Variants in ZC3H12B observed in about 807,000 individuals in gnomAD.
The protein encoded by ZC3H12B is probable ribonuclease ZC3H12B.
Under a neutral mutation model 43.9 loss-of-function variants are expected in ZC3H12B, and 7 were observed. The ratio of observed to expected loss-of-function variants is 0.16; its 90% CI spans 0.09 to 0.30. The LOEUF (loss-of-function observed/expected upper bound fraction) is 0.30. ZC3H12B is among the 10% of genes least tolerant of loss of function. The probability of loss-of-function intolerance (pLI) is 1.00; values close to 1 mark genes in which losing one functional copy is unlikely to be tolerated. For synonymous variants in ZC3H12B, 222 were observed against 241.7 expected, an observed-to-expected ratio of 0.92 and a Z score of 0.76; for missense variants, 475 against 670.2, an observed-to-expected ratio of 0.71 and a Z score of 3.22.
At chrX:65,078,571 A>G in the ZC3H12B span, among the ~76,000 whole-genome samples, 1 of 112,116 alleles carries the variant, frequency 8.9e-6, no homozygotes, top group Non-Finnish European at 1.9e-5. Flanking sequence ...TTGAGGATTG[A>G]CTATAGGATT....
chrX:65,152,128 C>A, the ZC3H12B span, among the ~76,000 whole-genome samples: 4 of 111,569 alleles, frequency 3.6e-5, no homozygotes, highest in Non-Finnish European at 7.5e-5. Flanking sequence ...CAATATCATA[C>A]TGAATGGGCA....
the ZC3H12B span, among the ~76,000 whole-genome samples, chrX:65,228,094 T>A: frequency 2.1e-4 from 23 of 111,562 alleles, no homozygotes; most frequent in South Asian, 4.1e-3. Flanking sequence ...AGAGAATTTT[T>A]GACCAATATC....
chrX:65,075,223 T>C, the ZC3H12B span, among the ~76,000 whole-genome samples: 1 of 112,628 alleles, frequency 8.9e-6, no homozygotes, highest in African/African-American at 3.2e-5. Context: ...CTTTAGTTCT[T>C]AGTTTCCCCC....
the ZC3H12B span, among the ~76,000 whole-genome samples, chrX:65,203,115 C>G: frequency 3.6e-5 from 4 of 112,029 alleles, no homozygotes; most frequent in African/African-American, 1.3e-4. Flanking sequence ...GCTGCCAAGC[C>G]TTGAACTTTC....
chrX:65,160,095 G>C, the ZC3H12B span, among the ~76,000 whole-genome samples: 1 of 111,820 alleles, frequency 8.9e-6, no homozygotes. Context: ...AACCAGCCTT[G>C]CATCCCAGGG....
intron 1 of ZC3H12B, among the ~76,000 whole-genome samples, chrX:65,495,027 C>A (rs991394805): frequency 9.0e-6 from 1 of 111,262 alleles, no homozygotes; most frequent in Admixed American, 9.6e-5. Flanking sequence ...TGGGAAAATT[C>A]ACAACTGAAC....
At chrX:65,170,813 C>A in the ZC3H12B span, among the ~76,000 whole-genome samples, 1 of 112,022 alleles carries the variant, frequency 8.9e-6, no homozygotes. Context: ...TCCTTGCTTC[C>A]TGTTGATCAA....
chrX:65,379,046 T>A (rs2066394115), intron 2 of ZC3H12B, among the ~76,000 whole-genome samples: 1 of 111,932 alleles, frequency 8.9e-6, no homozygotes, highest in Admixed American at 9.4e-5. Flanking sequence ...TGCCCGCAAT[T>A]GCCCAGGCTT....
chrX:65,056,729 CTCTT>C, the ZC3H12B span, among the ~76,000 whole-genome samples: 1 of 111,203 alleles, frequency 9.0e-6, no homozygotes, highest in Non-Finnish European at 1.9e-5. Context: ...GAGTCTAAAT[CTCTT>C]TCTAGGTGTC....
In ZC3H12B at chrX:65,436,244, A is replaced by G. The variant is rs148570419; in HGVS notation, n.407+37540A>G. Among the ~76,000 whole-genome samples the G allele has an allele frequency of 3.1e-3, 344 of 112,123 alleles. 1 individual carries two copies. Among genetic ancestry groups the G allele is most frequent in the African/African-American group, 0.011 (330 of 30,859 alleles). On this transcript the variant is annotated intron_variant and non_coding_transcript_variant, in intron 3 of 5. Coordinates refer to the ZC3H12B transcript ENST00000617377. Reference sequence around the variant, plus strand: ...GGGGGATGTCTGCCCCCATGATTCAATAACCTCCCACTAGGCCCCTCCTCC... The same window carrying G: ...GGGGGATGTCTGCCCCCATGATTCAGTAACCTCCCACTAGGCCCCTCCTCC...
chrX:65,129,738 A>C, the ZC3H12B span, among the ~76,000 whole-genome samples: 2 of 110,510 alleles, frequency 1.8e-5, no homozygotes, highest in African/African-American at 6.6e-5. Context: ...ATAGTGTTGA[A>C]GTGTTGGGGC....
the ZC3H12B span, among the ~76,000 whole-genome samples, chrX:65,065,951 G>A: frequency 9.5e-6 from 1 of 105,689 alleles, no homozygotes; most frequent in Non-Finnish European, 1.9e-5. Flanking sequence ...TGATACTTGT[G>A]CATGCTTCAC....
At chrX:65,151,654 A>C in the ZC3H12B span, among the ~76,000 whole-genome samples, 1 of 111,522 alleles carries the variant, frequency 9.0e-6, no homozygotes, top group Non-Finnish European at 1.9e-5. Flanking sequence ...CAGTGAATAC[A>C]AACGAGGGAC....
At chrX:65,193,953 A>C in the ZC3H12B span, among the ~76,000 whole-genome samples, 1 of 111,067 alleles carries the variant, frequency 9.0e-6, no homozygotes, top group Admixed American at 9.6e-5. Context: ...GGGAGCTTTC[A>C]ATCATGGCAG....
chrX:65,178,930 C>G, the ZC3H12B span, among the ~76,000 whole-genome samples: 1 of 112,139 alleles, frequency 8.9e-6, no homozygotes, highest in Admixed American at 9.5e-5. Flanking sequence ...AGGATTGTAA[C>G]TTATTCTGCC....
the ZC3H12B span, among the ~76,000 whole-genome samples, chrX:65,138,908 G>C: frequency 8.9e-6 from 1 of 112,072 alleles, no homozygotes; most frequent in South Asian, 3.7e-4. Flanking sequence ...TGTCTACTGA[G>C]ATGCTTTGCC....
At chrX:65,300,143 G>A in the ZC3H12B span, among the ~76,000 whole-genome samples, 1 of 112,249 alleles carries the variant, frequency 8.9e-6, no homozygotes, top group Middle Eastern at 4.2e-3. Context: ...TGAACACGAA[G>A]TTTCCTGGAC....
chrX:65,118,774 T>C, the ZC3H12B span, among the ~76,000 whole-genome samples: 1 of 108,301 alleles, frequency 9.2e-6, no homozygotes, highest in South Asian at 4.3e-4. Context: ...TAACATTAGG[T>C]ATATGTCCTA....
chrX:65,367,057 G>A (rs1027068420), intron 1 of ZC3H12B, among the ~76,000 whole-genome samples: 4 of 112,125 alleles, frequency 3.6e-5, no homozygotes, highest in East Asian at 2.8e-4. Flanking sequence ...CCCTGTCCTC[G>A]TGAAGCTCAG....
Sources: allele counts gnomAD v4.1 joint callset (sites outside exome capture counted in the v4.1 genomes callset), GRCh38; gene constraint gnomAD v4.1.1; transcripts MANE v1.5; gene names NCBI Gene and HGNC (gene_info 2026-07-23, HGNC 2026-07-21).